Variants in CACNA1D observed in about 807,000 individuals in gnomAD.
CACNA1D encodes the protein voltage-dependent L-type calcium channel subunit alpha-1D.
In CACNA1D, 55 loss-of-function variants were observed where a neutral mutation model predicts 257.1. The ratio of observed to expected loss-of-function variants is 0.21; its 90% CI spans 0.17 to 0.27. The LOEUF is 0.27. Ranked by LOEUF, CACNA1D falls within the 10% of genes least tolerant of loss-of-function variation. The pLI is 1.00. For synonymous variants in CACNA1D, 980 were observed against 1,014.9 expected, an observed-to-expected ratio of 0.97 and a Z score of 0.65; for missense variants, 1,876 against 2,784.0, an observed-to-expected ratio of 0.67 and a Z score of 7.34.
intron 8 of CACNA1D, among the ~76,000 whole-genome samples, chr3:53,684,706 A>G (rs1204342400): frequency 6.6e-6 from 1 of 152,080 alleles, no homozygotes; most frequent in African/African-American, 2.4e-5. Flanking sequence ...CTAAAAGATA[A>G]TTTAAAGTAA....
intron 3 of CACNA1D, among the ~76,000 whole-genome samples, chr3:53,615,983 G>T (rs948443316): frequency 4.6e-5 from 7 of 152,150 alleles, no homozygotes; most frequent in African/African-American, 1.4e-4. Flanking sequence ...AGTATGACTT[G>T]ATGTGTGACA....
At chr3:53,769,177 G>A (rs918933209) in intron 30 of CACNA1D, among the ~76,000 whole-genome samples, 1 of 152,222 alleles carries the variant, frequency 6.6e-6, no homozygotes, top group East Asian at 1.9e-4. Context: ...TGCCCTCCCT[G>A]GGGTGGGGGT....
Position 53,800,279 on chromosome 3 carries a change from C to A in CACNA1D, c.4954C>A (p.Pro1652Thr), listed in dbSNP as rs774251205. 1 of 1,613,886 alleles carries A rather than the reference C, an allele frequency of 6.2e-7. No homozygotes were observed. The highest frequency in any genetic ancestry group is 8.5e-7 in the Non-Finnish European group (1 of 1,179,780). Reference sequence around the variant, plus strand: ...ATTAAGGACACTGCATGACATTGGGCCAGAAATCCGGCGTGCTATATCGTG... The same window carrying A: ...ATTAAGGACACTGCATGACATTGGGACAGAAATCCGGCGTGCTATATCGTG... ...AGLRTLHDIG[P>T]EIRRAISCDL... The change falls in exon 41 of 48, where the codon CCA (proline) becomes ACA (threonine). Residue 1652 changes from proline to threonine, a missense_variant. By Grantham distance (38) the Pro-to-Thr change is conservative. This residue lies in a region of CACNA1D where 160 missense variants were observed against 236.6 expected (regional missense o/e 0.68). Coordinates refer to ENST00000350061, the MANE Select transcript of CACNA1D (RefSeq NM_001128840.3). The surrounding 1 kb of genome is among the most constrained non-coding windows in gnomAD (Gnocchi z 4.3).
At chr3:53,694,722 G>A (rs1431280841) in intron 8 of CACNA1D, among the ~76,000 whole-genome samples, 2 of 152,166 alleles carry the variant, frequency 1.3e-5, no homozygotes, top group African/African-American at 4.8e-5. Context: ...TTCTGTTATT[G>A]TTAGAGAAGG....
At chr3:53,592,627 C>G (rs1037169533) in intron 3 of CACNA1D, among the ~76,000 whole-genome samples, 1 of 151,526 alleles carries the variant, frequency 6.6e-6, no homozygotes, top group African/African-American at 2.4e-5. Context: ...CCTAATTCCT[C>G]TTTGAGTAAG....
At chr3:53,776,511 T>G (rs1017115142) in intron 35 of CACNA1D, 92 bp from the exon 36 acceptor site, 6 of 1,465,492 alleles carry the variant, frequency 4.1e-6, no homozygotes, top group Non-Finnish European at 5.7e-6. Context: ...TGGGTTCCCA[T>G]GTTTCATGTC....
At chr3:53,701,344 G>A (rs2094623681) in intron 8 of CACNA1D, among the ~76,000 whole-genome samples, 1 of 152,104 alleles carries the variant, frequency 6.6e-6, no homozygotes. Context: ...ATGTTGACCA[G>A]GCTGGTCTCA....
rs1389304156 is a variant in CACNA1D, at chr3:53,604,519, C to T, written c.484-46260C>T. 9.9e-5 allele frequency among the ~76,000 whole-genome samples: 15 copies of T among 152,284 alleles called. No individual in the cohort carries two copies. The South Asian group carries it at 2.9e-3, about 29-fold the overall frequency. On this transcript the variant is annotated intron_variant, in intron 3 of 47. Coordinates refer to ENST00000350061, the MANE Select transcript of CACNA1D (RefSeq NM_001128840.3). ...GCATTGAACACCTCCCCACCCACCC[C>T]TGCCCTGCACTTCTCCCTGTAGCTC...
At chr3:53,809,709 C>T in intron 46 of CACNA1D, 3 of 521,542 alleles carry the variant, frequency 5.8e-6, no homozygotes, top group Non-Finnish European at 1.0e-5. Flanking sequence ...CATTCTGAAG[C>T]AATTTCATGA....
At chr3:53,734,897 T>G (rs1233641384) in intron 19 of CACNA1D, among the ~76,000 whole-genome samples, 1 of 152,182 alleles carries the variant, frequency 6.6e-6, no homozygotes, top group East Asian at 1.9e-4. Context: ...AAGACAAGCC[T>G]GGGATTCATC....
intron 3 of CACNA1D, among the ~76,000 whole-genome samples, chr3:53,542,206 T>G (rs999068740): frequency 9.2e-5 from 10 of 108,436 alleles, no homozygotes; most frequent in Middle Eastern, 4.2e-3. Context: ...AAAATGCAGG[T>G]TTTTTTTTTT....
chr3:53,667,941 C>A (rs900118711), intron 7 of CACNA1D, among the ~76,000 whole-genome samples: 1 of 152,060 alleles, frequency 6.6e-6, no homozygotes, highest in Admixed American at 6.6e-5. Context: ...GAGCCAGGGG[C>A]ATGGCTTCTG....
intron 9 of CACNA1D, among the ~76,000 whole-genome samples, chr3:53,706,247 G>C (rs2094687872): frequency 6.6e-6 from 1 of 152,250 alleles, no homozygotes; most frequent in African/African-American, 2.4e-5. Context: ...TGAAGTGACA[G>C]TGTGAGAAGA....
chr3:53,529,428 C>G (rs993702736), intron 3 of CACNA1D, among the ~76,000 whole-genome samples: 1 of 152,074 alleles, frequency 6.6e-6, no homozygotes, highest in Non-Finnish European at 1.5e-5. Context: ...AGGCTTTTTA[C>G]ATGTATGTTC....
At chr3:53,712,075 A>G (rs2094763400) in intron 9 of CACNA1D, among the ~76,000 whole-genome samples, 1 of 152,220 alleles carries the variant, frequency 6.6e-6, no homozygotes, top group Non-Finnish European at 1.5e-5. Context: ...ATAGCTCTGG[A>G]GAGGTTACCA....
chr3:53,643,709 C>T (rs995973121), intron 3 of CACNA1D, among the ~76,000 whole-genome samples: 6 of 152,210 alleles, frequency 3.9e-5, no homozygotes, highest in Admixed American at 3.9e-4. Context: ...AGACCAAACC[C>T]CGTACCGTGG....
chr3:53,641,990 G>C (rs1274022718), intron 3 of CACNA1D, among the ~76,000 whole-genome samples: 17 of 152,156 alleles, frequency 1.1e-4, no homozygotes. Context: ...TTAATATTTA[G>C]GTGGGACTCC....
chr3:53,644,463 A>G (rs183122669), intron 3 of CACNA1D, among the ~76,000 whole-genome samples: 2 of 152,316 alleles, frequency 1.3e-5, no homozygotes, highest in Admixed American at 1.3e-4. Flanking sequence ...ATGTTGATCA[A>G]CATCTCCCCA....
chr3:53,593,660 G>C (rs1254443681), intron 3 of CACNA1D, among the ~76,000 whole-genome samples: 1 of 152,192 alleles, frequency 6.6e-6, no homozygotes, highest in East Asian at 1.9e-4. Context: ...CAGGAGAGGT[G>C]AAAGGAAAGG....
Sources: allele counts gnomAD v4.1 joint callset (sites outside exome capture counted in the v4.1 genomes callset), GRCh38; gene constraint gnomAD v4.1.1; regional missense constraint gnomAD v4.1.1; non-coding constraint Gnocchi (gnomAD v3.1); transcripts MANE v1.5; gene names NCBI Gene and HGNC (gene_info 2026-07-23, HGNC 2026-07-21).